SAP130: variants seen among roughly 807,000 people sequenced by gnomAD.
SAP130 encodes histone deacetylase complex subunit SAP130.
SAP130 carries 16 observed loss-of-function variants against 103.2 expected under a neutral mutation model. The observed-to-expected ratio is 0.16, with a 90% confidence interval of 0.10 to 0.24. The LOEUF is 0.24. Among genes scored for constraint, SAP130 ranks in the 10% least tolerant of loss-of-function variants. The pLI, the probability that SAP130 is intolerant of heterozygous loss-of-function variation, is 1.00. For missense variants in SAP130, 990 were observed against 1,359.7 expected (o/e 0.73, Z 4.28); for synonymous variants, 477 against 497.0 (o/e 0.96, Z 0.53).
chr2:127,988,950 G>C (rs1682589579), intron 13 of SAP130, among the ~76,000 whole-genome samples: 1 of 152,098 alleles, frequency 6.6e-6, no homozygotes, highest in African/African-American at 2.4e-5. Context: ...ATCAGCATAA[G>C]GTTTTACAGC....
rs375409874 is a variant in SAP130, at chr2:128,000,463, A to T, written c.870-9T>A. 3.7e-6 allele frequency: 6 copies of T among 1,614,126 alleles called. No homozygotes were observed. In the Admixed American group the frequency reaches 1.0e-4, roughly 27 times the overall value. On this transcript the variant is annotated splice_polypyrimidine_tract_variant and intron_variant, in intron 7 of 20. Transcript: ENST00000643581. The stretch of plus-strand genomic sequence containing the variant: ...TAGACAAGGTTGGCCTACTGAAAAG[A>T]TAACAAAGACACAATGCAGATGGGC...
At chr2:127,949,761 T>C (rs1281609887) in intron 18 of SAP130, 108 bp downstream of exon 18, 1 of 1,178,532 alleles carries the variant, frequency 8.5e-7, no homozygotes, top group African/African-American at 1.6e-5. Context: ...AACAAAAACT[T>C]ATGGTTTTTT....
chr2:127,945,316 A>C (rs1679000456), intron 19 of SAP130, 140 bp downstream of exon 19: 1 of 612,470 alleles, frequency 1.6e-6, no homozygotes, highest in African/African-American at 1.8e-5. Flanking sequence ...GATATTACAT[A>C]GCACACATAA....
At chr2:128,010,527 C>T (rs1458050685) in intron 6 of SAP130, 134 bp from the exon 7 acceptor site, 4 of 916,214 alleles carry the variant, frequency 4.4e-6, no homozygotes, top group Non-Finnish European at 6.4e-6. Context: ...TCTCACCATT[C>T]CAATTAAGGA....
At chr2:128,024,713 CG>C (rs1199138833) in intron 2 of SAP130, among the ~76,000 whole-genome samples, 1 of 113,386 alleles carries the variant, frequency 8.8e-6, no homozygotes, top group Non-Finnish European at 1.8e-5. Flanking sequence ...ACTAAAAATG[CG>C]AAAAAAAAAA....
chr2:127,994,676 T>C (rs1683049884), intron 11 of SAP130, among the ~76,000 whole-genome samples: 1 of 152,126 alleles, frequency 6.6e-6, no homozygotes, highest in South Asian at 2.1e-4. Flanking sequence ...GGAGGATCAT[T>C]TGAGCCCGGA....
chr2:127,982,518 C>T (rs56023126), intron 14 of SAP130, among the ~76,000 whole-genome samples: 25 of 152,210 alleles, frequency 1.6e-4, no homozygotes, highest in Non-Finnish European at 2.4e-4. Flanking sequence ...AGCAATTTGT[C>T]GACTAACAGT....
Position 127,955,260 on chromosome 2 carries a change from A to G in SAP130, c.2148T>C (p.Asp716=), listed in dbSNP as rs775622184. Residue 716 remains aspartate, a synonymous_variant, in exon 16 of 21, where the codon GAT becomes GAC. Transcript: ENST00000643581. The surrounding 1 kb of genome is among the most constrained non-coding windows in gnomAD (Gnocchi z 4.9). ...SMETVSNQNN[D]QPTIAVPPTA... is the part of the protein sequence containing the mutation. ...TTGGAGGGACGGCAATGGTAGGCTG[A>G]TCATTATTTTGATTGGATACAGTCT... 1 of 1,613,908 alleles carries G rather than the reference A, an allele frequency of 6.2e-7. No individual in the cohort carries two copies. Among genetic ancestry groups the G allele is most frequent in the Non-Finnish European group, 8.5e-7 (1 of 1,179,916 alleles).
chr2:128,003,956 G>GC (rs1683762132), intron 7 of SAP130, among the ~76,000 whole-genome samples: 1 of 53,080 alleles, frequency 1.9e-5, no homozygotes, highest in Non-Finnish European at 3.8e-5. Context: ...CCACAGATCA[G>GC]CTTTTTTTTT....
intron 15 of SAP130, among the ~76,000 whole-genome samples, chr2:127,965,200 G>C (rs1481104123): frequency 6.6e-6 from 1 of 151,946 alleles, no homozygotes; most frequent in Non-Finnish European, 1.5e-5. Flanking sequence ...GGGAGGCTGA[G>C]GCAGGAGAAT....
rs1683170921 is a variant in SAP130, at chr2:127,996,299, A to G, written c.1355+51T>C. ...ACACTTTGTTTTATGCTGATAAAGC[A>G]GAACGATTAATGACACAGTGAGGCA... On this transcript the variant is annotated intron_variant, in intron 11 of 20. Transcript: ENST00000643581. This position sits in a 1 kb window ranked among gnomAD's most constrained non-coding sequence, Gnocchi z 4.3. 6.8e-7 allele frequency: 1 copy of G among 1,480,208 alleles called. No homozygotes were observed. Among genetic ancestry groups the G allele is most frequent in the Admixed American group, 2.3e-5 (1 of 44,434 alleles). The allele number at this position is 1,480,208 out of a possible 1,614,324, so 91.7% of individuals were successfully genotyped here.
At chr2:127,949,745 T>C (rs1049209303) in intron 18 of SAP130, 124 bp downstream of exon 18, 6 of 1,031,636 alleles carry the variant, frequency 5.8e-6, no homozygotes, top group African/African-American at 3.2e-5. Flanking sequence ...AGCCTCAAGA[T>C]TTTGTAACAA....
At chr2:127,966,970 G>A (rs1022092680) in intron 15 of SAP130, among the ~76,000 whole-genome samples, 1 of 151,954 alleles carries the variant, frequency 6.6e-6, no homozygotes, top group East Asian at 1.9e-4. Context: ...TGAAACGATG[G>A]AAAAAGATAT....
At chr2:128,020,038 A>T (rs2105230739) in intron 2 of SAP130, among the ~76,000 whole-genome samples, 1 of 152,328 alleles carries the variant, frequency 6.6e-6, no homozygotes, top group African/African-American at 2.4e-5. Flanking sequence ...AATTTAAATT[A>T]TTTGGAGTAC....
rs770394777 is a variant in SAP130, at chr2:127,980,098, C to T, written c.1959-2009G>A. Among the ~76,000 whole-genome samples the T allele has an allele frequency of 2.0e-4, 30 of 152,096 alleles. No individual in the cohort carries two copies. The Middle Eastern group carries it at 0.01, about 52-fold the overall frequency. On this transcript the variant is annotated intron_variant, in intron 14 of 20. Coordinates refer to ENST00000643581, the MANE Select transcript of SAP130 (RefSeq NM_001330301.2). ...TTCACCATGTTGGCCAGGCTGGTCTCGATCTCCTGACCTCAGATGATCTGC... is the reference window on the plus strand; with the variant it reads ...TTCACCATGTTGGCCAGGCTGGTCTTGATCTCCTGACCTCAGATGATCTGC...
chr2:128,025,798 G>A (rs1377907535), intron 2 of SAP130, among the ~76,000 whole-genome samples: 1 of 152,100 alleles, frequency 6.6e-6, no homozygotes, highest in Non-Finnish European at 1.5e-5. Context: ...TAGGGAAACC[G>A]CATATCCTTT....
In SAP130 at chr2:127,986,870, G is replaced by C; in HGVS notation, c.1873C>G (p.His625Asp). Reference sequence around the variant, plus strand: ...GCGTTGGTGCTAGCACTCTGGCTGTGGGTCTGCACCACGGTTGTTGCTGCT... The same window carrying C: ...GCGTTGGTGCTAGCACTCTGGCTGTCGGTCTGCACCACGGTTGTTGCTGCT... ...APAATTVVQT[H>D]SQSASTNAPA... The change falls in exon 14 of 21, where the codon CAC becomes GAC. Residue 625 changes from histidine to aspartate, a missense_variant. Physicochemically the swap from His to Asp is moderately conservative, Grantham distance 81 (BLOSUM62 -1). Transcript: ENST00000643581. The surrounding 1 kb of genome is among the most constrained non-coding windows in gnomAD (Gnocchi z 4.7). 5 of 1,614,258 alleles carry C rather than the reference G, an allele frequency of 3.1e-6. No individual in the cohort carries two copies. The highest frequency in any genetic ancestry group is 4.2e-6 in the Non-Finnish European group (5 of 1,180,060).
At position 128,014,935 on chromosome 2, in the gene SAP130, C is replaced by T. The variant is rs183132075; in HGVS notation, c.508-21G>A. ...TGGCCCTGAAAGAAAGAGGATAGAA[C>T]GTTATTTTTACATGTTTGCTCTTAG... On this transcript the variant is annotated intron_variant, in intron 4 of 20. Transcript: ENST00000643581. 1.3e-4 allele frequency: 203 copies of T among 1,596,336 alleles called. No homozygotes were observed. The African/African-American group carries it at 2.0e-3, about 16-fold the overall frequency.
intron 15 of SAP130, among the ~76,000 whole-genome samples, chr2:127,959,441 G>A (rs1680082764): frequency 1.3e-5 from 2 of 152,286 alleles, no homozygotes; most frequent in South Asian, 2.1e-4. Flanking sequence ...TACCCGGCCA[G>A]GTTGTAATGA....
Sources: gnomAD v4.1 joint callset for allele counts (sites outside exome capture counted in the v4.1 genomes callset) on GRCh38, gnomAD v4.1.1 for gene constraint, Gnocchi (gnomAD v3.1) non-coding constraint, MANE v1.5 for transcripts, NCBI Gene and HGNC (gene_info 2026-07-23, HGNC 2026-07-21) for gene names.